The following PPP2R5C variants were observed in gnomAD, a reference collection of about 807,000 sequenced individuals.
PPP2R5C encodes the protein serine/threonine-protein phosphatase 2A 56 kDa regulatory subunit gamma isoform.
In PPP2R5C, 7 loss-of-function variants were observed where a neutral mutation model predicts 68.9. That is an observed-to-expected ratio of 0.10 (90% CI 0.06 to 0.19). The LOEUF is 0.19. PPP2R5C is among the 10% of genes least tolerant of loss of function. The pLI, the probability that PPP2R5C is intolerant of heterozygous loss-of-function variation, is 1.00. For synonymous variants in PPP2R5C, 210 were observed against 222.2 expected (o/e 0.95, Z 0.49); for missense variants, 348 against 641.3 (o/e 0.54, Z 4.94).
At chr14:101,764,459 T>G (rs548740421) in intron 2 of PPP2R5C, among the ~76,000 whole-genome samples, 1 of 152,352 alleles carries the variant, frequency 6.6e-6, no homozygotes, top group Non-Finnish European at 1.5e-5. Context: ...GGAAACACAG[T>G]TAACTGGCGA....
chr14:101,801,021 T>C (rs1335359673), intron 3 of PPP2R5C, among the ~76,000 whole-genome samples: 1 of 151,884 alleles, frequency 6.6e-6, no homozygotes, highest in Non-Finnish European at 1.5e-5. Context: ...AAAAAAATAA[T>C]GGATCTCATG....
chr14:101,861,860 ATAAC>A (rs1303185369), intron 2 of PPP2R5C, among the ~76,000 whole-genome samples: 4 of 152,212 alleles, frequency 2.6e-5, no homozygotes, highest in African/African-American at 9.6e-5. Flanking sequence ...TTTAAGGAAA[ATAAC>A]TGACAGAGTT....
chr14:101,862,841 A>G (rs1311408577), intron 2 of PPP2R5C, among the ~76,000 whole-genome samples: 3 of 126,478 alleles, frequency 2.4e-5, no homozygotes, highest in African/African-American at 9.1e-5. Flanking sequence ...TTTTTTTTAG[A>G]TGAGGTCTTG....
rs141572853 is a variant in PPP2R5C at position 101,843,679 on chromosome 14, G to A, written c.95-13007G>A. On this transcript the variant is annotated intron_variant, in intron 1 of 13. Transcript: ENST00000334743. ...TGTGCATGATTGGGTAGAGTATCTCGTATAGATTTCTTCACTGGAGATTTG... is the reference window on the plus strand; with the variant it reads ...TGTGCATGATTGGGTAGAGTATCTCATATAGATTTCTTCACTGGAGATTTG... 883 of 160,852 alleles carry A rather than the reference G, an allele frequency of 5.5e-3. 8 individuals carry two copies. The highest frequency in any genetic ancestry group is 0.02 in the African/African-American group (843 of 41,462). The allele number at this position is 160,852 out of a possible 1,614,324, so 10.0% of individuals were successfully genotyped here.
intron 2 of PPP2R5C, among the ~76,000 whole-genome samples, chr14:101,861,432 T>C (rs1029971957): frequency 1.3e-5 from 2 of 152,224 alleles, no homozygotes; most frequent in African/African-American, 2.4e-5. Flanking sequence ...ACTTTTTCAC[T>C]GTATTGAAAT....
intron 1 of PPP2R5C, among the ~76,000 whole-genome samples, chr14:101,821,452 G>GTGT (rs1491578064): frequency 1.3e-3 from 159 of 121,430 alleles, no homozygotes; most frequent in East Asian, 2.2e-3. Flanking sequence ...TGGGTGGGTG[G>GTGT]GTGTGTGTGT....
intron 2 of PPP2R5C, among the ~76,000 whole-genome samples, chr14:101,858,875 G>C (rs995512248): frequency 6.6e-6 from 1 of 152,084 alleles, no homozygotes; most frequent in African/African-American, 2.4e-5. Flanking sequence ...GCTTGAAACC[G>C]CCTCTCGTTT....
At chr14:101,778,702 A>G (rs772805299) in intron 2 of PPP2R5C, among the ~76,000 whole-genome samples, 2 of 152,110 alleles carry the variant, frequency 1.3e-5, no homozygotes, top group Non-Finnish European at 1.5e-5. Flanking sequence ...ATTTTATTCC[A>G]TCAATCTGTA....
chr14:101,823,925 G>C lies in PPP2R5C; in HGVS notation c.94+13889G>C, dbSNP rs551221461. ...GTCATCTAGAAAAACAAGAGATGCA[G>C]ATTCTGGGTCACGAAGGTAAGGTTG... On this transcript the variant is annotated intron_variant, in intron 1 of 13. Transcript: ENST00000334743. 1.5e-4 allele frequency: 195 copies of C among 1,282,426 alleles called. 1 individual carries two copies. The highest frequency in any genetic ancestry group is 1.9e-4 in the Non-Finnish European group (185 of 983,516). 79.4% of individuals were successfully genotyped at this position (1,282,426 alleles called of 1,614,324 possible).
intron 3 of PPP2R5C, among the ~76,000 whole-genome samples, chr14:101,787,640 G>A (rs943590626): frequency 2.6e-4 from 39 of 151,936 alleles, no homozygotes; most frequent in African/African-American, 6.5e-4. Flanking sequence ...GGTGGCGGGC[G>A]CCTGTAGTCC....
intron 13 of PPP2R5C, among the ~76,000 whole-genome samples, chr14:101,920,594 A>G (rs1463959979): frequency 6.6e-6 from 1 of 152,202 alleles, no homozygotes; most frequent in Non-Finnish European, 1.5e-5. Flanking sequence ...TGTTTTCCCC[A>G]GATTAACGTG....
intron 6 of PPP2R5C, among the ~76,000 whole-genome samples, chr14:101,890,683 A>G (rs2749901): frequency 0.35 from 52,843 of 151,300 alleles, 13,497 homozygotes; most frequent in African/African-American, 0.73. Flanking sequence ...TAATTACTTC[A>G]GTTTTTTATA....
intron 2 of PPP2R5C, among the ~76,000 whole-genome samples, chr14:101,878,393 T>C (rs767486823): frequency 2.4e-4 from 37 of 152,102 alleles, no homozygotes; most frequent in African/African-American, 7.2e-4. Context: ...AAGGATTCAG[T>C]GAGTGTGCAG....
intron 2 of PPP2R5C, among the ~76,000 whole-genome samples, chr14:101,878,626 G>T (rs2043944697): frequency 6.6e-6 from 1 of 152,214 alleles, no homozygotes; most frequent in Non-Finnish European, 1.5e-5. Context: ...CCAGCGGGCA[G>T]GTCTGGACTC....
At position 101,917,831 on chromosome 14, in the gene PPP2R5C, T is replaced by C. The variant is rs1456315177; in HGVS notation, c.1327T>C (p.Tyr443His). ...AGCGACTCCACGCTTTGCATTGCAG[T>C]ACACAGTGTATAGTCAAGCCAGCAC... Residue 443 changes from tyrosine (Y) to histidine (H), a missense_variant and splice_region_variant, in exon 13 of 14, where the codon TAC (tyrosine) becomes CAC (histidine). By Grantham distance (83) the Tyr-to-His change is moderately conservative. Coordinates refer to ENST00000334743, the Ensembl canonical transcript of PPP2R5C. The surrounding 1 kb of genome is among the most constrained non-coding windows in gnomAD (Gnocchi z 4.4). 6.2e-7 allele frequency: 1 copy of C among 1,613,360 alleles called. No homozygotes were observed. The highest frequency in any genetic ancestry group is 8.5e-7 in the Non-Finnish European group (1 of 1,179,570).
intron 5 of PPP2R5C, among the ~76,000 whole-genome samples, chr14:101,887,438 CCAGCT>C (rs1246143284): frequency 1.3e-5 from 2 of 152,226 alleles, no homozygotes; most frequent in Non-Finnish European, 2.9e-5. Flanking sequence ...GGAGCCACCG[CCAGCT>C]CAGTGGCTTC....
intron 1 of PPP2R5C, among the ~76,000 whole-genome samples, chr14:101,816,836 A>G (rs938734391): frequency 6.8e-6 from 1 of 146,744 alleles, no homozygotes; most frequent in South Asian, 2.1e-4. Context: ...TAACTTTTTC[A>G]TAATGTTTGA....
Position 101,888,954 on chromosome 14 carries a change from C to T in PPP2R5C, c.630-1283C>T, listed in dbSNP as rs1367732831. On this transcript the variant is annotated intron_variant, in intron 5 of 13. Transcript: ENST00000334743. This position sits in a 1 kb window ranked among gnomAD's most constrained non-coding sequence, Gnocchi z 5.6. ...CATGCATCTTGCCCACCCCACTCCACGGCACAGACCTTTGTTCCAGCCAAA... is the reference window on the plus strand; with the variant it reads ...CATGCATCTTGCCCACCCCACTCCATGGCACAGACCTTTGTTCCAGCCAAA... 3.3e-5 allele frequency among the ~76,000 whole-genome samples: 5 copies of T among 152,230 alleles called. No individual in the cohort carries two copies. Among genetic ancestry groups the T allele is most frequent in the Non-Finnish European group, 5.9e-5 (4 of 68,014 alleles).
Position 101,835,381 on chromosome 14 carries a change from A to C in PPP2R5C, c.95-21305A>C, listed in dbSNP as rs988265281. Among the ~76,000 whole-genome samples, 1 of 152,210 alleles carries C rather than the reference A, an allele frequency of 6.6e-6. No homozygotes were observed. Among genetic ancestry groups the C allele is most frequent in the African/African-American group, 2.4e-5 (1 of 41,438 alleles). ...TGGGATCACAGTTTACAGTCAGCTG[A>C]GTGCTCAAGAGAACTCAGTAGAGGG... is the stretch of plus-strand genomic sequence containing the variant. On this transcript the variant is annotated intron_variant, in intron 1 of 13. Transcript: ENST00000334743. This position sits in a 1 kb window ranked among gnomAD's most constrained non-coding sequence, Gnocchi z 5.0.
Sources: gnomAD v4.1 joint callset for allele counts (sites outside exome capture counted in the v4.1 genomes callset) on GRCh38, gnomAD v4.1.1 for gene constraint, Gnocchi (gnomAD v3.1) non-coding constraint, MANE v1.5 for transcripts, NCBI Gene and HGNC (gene_info 2026-07-23, HGNC 2026-07-21) for gene names.